Variants in CDH23 observed in about 807,000 individuals in gnomAD.
The protein encoded by CDH23 is cadherin related 23.
CDH23 carries 189 observed loss-of-function variants against 317.1 expected under a neutral mutation model. That is an observed-to-expected ratio of 0.60 (90% CI 0.53 to 0.67). CDH23 has a LOEUF of 0.67. CDH23 is among the 30% of genes least tolerant of loss of function. CDH23 has a pLI of 0.00. For missense variants in CDH23, 4,401 were observed against 4,592.4 expected, an observed-to-expected ratio of 0.96 and a Z score of 1.20; for synonymous variants, 1,839 against 1,876.8, an observed-to-expected ratio of 0.98 and a Z score of 0.52.
intron 6 of CDH23, among the ~76,000 whole-genome samples, chr10:71,538,693 G>T: frequency 6.6e-6 from 1 of 152,198 alleles, no homozygotes. Flanking sequence ...GATACAGCGT[G>T]CAACAAACTC....
At position 71,618,658 on chromosome 10, in the gene CDH23, G is replaced by A. The variant is rs566229600; in HGVS notation, c.1134+1265G>A. Among the ~76,000 whole-genome samples the A allele has an allele frequency of 1.5e-4, 23 of 152,270 alleles. 1 individual carries two copies. In the East Asian group the frequency reaches 2.7e-3, roughly 18 times the overall value. The stretch of plus-strand genomic sequence containing the variant: ...GGCTTCCTCCACCGTCCTCGGGAGA[G>A]CCCTCTCTACTCTGGCTGCTTAGCC... On this transcript the variant is annotated intron_variant, in intron 11 of 69. Transcript: ENST00000224721.
rs866123481 is a variant in CDH23, at chr10:71,779,355, C to T, written c.5276C>T (p.Pro1759Leu). Residue 1759 changes from proline to leucine, a missense_variant, in exon 41 of 70, where the codon CCG (proline) becomes CTG (leucine). Around this residue, in one of 3 missense-constraint regions of CDH23, gnomAD observed 3,068 missense variants for 3,203.3 expected, o/e 0.96. Coordinates refer to ENST00000224721, the MANE Select transcript of CDH23 (RefSeq NM_022124.6). ...CCATTTGAAGTCACTGAGGGCCAGC[C>T]GGGGCCCAGAGTGTGGACCTTCCTG... ...EGPFEVTEGQ[P>L]GPRVWTFLAH... The T allele has an allele frequency of 3.0e-5, 49 of 1,613,812 alleles. No homozygotes were observed. The Middle Eastern group carries it at 1.8e-3, about 60-fold the overall frequency.
rs1190298970 is a variant in CDH23 at position 71,688,997 on chromosome 10, T to A, written c.2059+1278T>A. ...CCAGGGGTGGTGGAGTCAGGGATGG[T>A]GGAGCCAGGGGTGGTGGAGTCAGGG... is the stretch of plus-strand genomic sequence containing the variant. On this transcript the variant is annotated intron_variant, in intron 19 of 69. Coordinates refer to ENST00000224721, the MANE Select transcript of CDH23 (RefSeq NM_022124.6). 1.1e-4 allele frequency among the ~76,000 whole-genome samples: 9 copies of A among 78,662 alleles called. 3 individuals carry two copies. The highest frequency in any genetic ancestry group is 1.1e-4 in the Non-Finnish European group (4 of 36,468). 51.6% of individuals were successfully genotyped at this position (78,662 alleles called of 152,430 possible).
chr10:71,713,667 G>C (rs917981115), intron 28 of CDH23: 11 of 239,324 alleles, frequency 4.6e-5, no homozygotes, highest in African/African-American at 2.3e-4. Flanking sequence ...GGGTTCTCTC[G>C]ATCAGGGCCT....
intron 28 of CDH23, chr10:71,715,127 G>C (rs1866151341): frequency 6.6e-6 from 1 of 152,324 alleles, no homozygotes; most frequent in Non-Finnish European, 1.5e-5. Context: ...GCTGCTGTGA[G>C]CTGTCCTCCT....
At chr10:71,558,291 T>C (rs1856969108) in intron 6 of CDH23, among the ~76,000 whole-genome samples, 1 of 152,198 alleles carries the variant, frequency 6.6e-6, no homozygotes, top group African/African-American at 2.4e-5. Context: ...TGAGCCACCA[T>C]GCCTGGCCTG....
chr10:71,649,304 C>A (rs1324062210), intron 14 of CDH23, among the ~76,000 whole-genome samples: 1 of 152,212 alleles, frequency 6.6e-6, no homozygotes, highest in Non-Finnish European at 1.5e-5. Context: ...TCTCCGTGAC[C>A]TTTTCTGGGA....
At chr10:71,463,969 C>T (rs1461353115) in intron 3 of CDH23, among the ~76,000 whole-genome samples, 3 of 152,220 alleles carry the variant, frequency 2.0e-5, no homozygotes, top group Non-Finnish European at 4.4e-5. Context: ...GACTTGCTCT[C>T]CATCCATAAC....
chr10:71,713,582 C>T, intron 28 of CDH23: 2 of 413,518 alleles, frequency 4.8e-6, no homozygotes, highest in Non-Finnish European at 8.8e-6. Context: ...AGCTGACTCC[C>T]AGAAACACAG....
chr10:71,483,098 T>C (rs1852157418), intron 3 of CDH23, among the ~76,000 whole-genome samples: 3 of 152,186 alleles, frequency 2.0e-5, no homozygotes, highest in African/African-American at 7.2e-5. Flanking sequence ...GGTCTAACAT[T>C]AAATCACAAC....
chr10:71,734,502 C>G (rs1839499395), intron 33 of CDH23, 154 bp from the exon 34 acceptor site: 1 of 974,782 alleles, frequency 1.0e-6, no homozygotes, highest in African/African-American at 1.8e-5. Flanking sequence ...CACACCTTCC[C>G]AGCAGGTTGG....
chr10:71,688,722 G>A (rs200602093), intron 19 of CDH23, among the ~76,000 whole-genome samples: 8 of 106,432 alleles, frequency 7.5e-5, no homozygotes, highest in African/African-American at 1.1e-4. Context: ...GGAGTCAGGG[G>A]TGGTGGAGTC....
At chr10:71,417,021 G>C (rs948543053) in intron 1 of CDH23, among the ~76,000 whole-genome samples, 3 of 129,872 alleles carry the variant, frequency 2.3e-5, no homozygotes, top group Non-Finnish European at 4.9e-5. Context: ...TTTTGCCTTT[G>C]GTTTTCTTTT....
intron 28 of CDH23, chr10:71,716,268 C>T (rs1306528673): frequency 8.0e-5 from 123 of 1,538,554 alleles, no homozygotes; most frequent in Non-Finnish European, 9.9e-5. Context: ...CCGGGAGTGA[C>T]GGGAGCTGAG....
chr10:71,723,252 C>T (rs1866638227), intron 28 of CDH23, among the ~76,000 whole-genome samples: 1 of 152,142 alleles, frequency 6.6e-6, no homozygotes, highest in African/African-American at 2.4e-5. Context: ...TTGTTCTCCA[C>T]TTGTTTTGGG....
chr10:71,798,965 G>A (rs1009651306), intron 50 of CDH23, 146 bp from the exon 51 acceptor site: 2 of 694,540 alleles, frequency 2.9e-6, no homozygotes, highest in Non-Finnish European at 4.8e-6. Flanking sequence ...CCTGCCGTGT[G>A]CCCTGCAACT....
At chr10:71,467,368 AGTTTCTG>A (rs1287146279) in intron 3 of CDH23, among the ~76,000 whole-genome samples, 16 of 152,264 alleles carry the variant, frequency 1.1e-4, no homozygotes, top group Non-Finnish European at 2.1e-4. Flanking sequence ...CGATCCTCAG[AGTTTCTG>A]GTTGAGCAGG....
intron 38 of CDH23, among the ~76,000 whole-genome samples, chr10:71,776,595 G>T (rs1487121109): frequency 6.6e-6 from 1 of 152,198 alleles, no homozygotes; most frequent in Non-Finnish European, 1.5e-5. Flanking sequence ...AGGAAGGCTG[G>T]TAAAGCACCC....
intron 3 of CDH23, among the ~76,000 whole-genome samples, chr10:71,492,806 CG>C (rs1273739939): frequency 6.6e-6 from 1 of 152,152 alleles, no homozygotes; most frequent in Non-Finnish European, 1.5e-5. Context: ...GGACACAGGG[CG>C]GGGTGTGCTG....
Sources: allele counts gnomAD v4.1 joint callset (sites outside exome capture counted in the v4.1 genomes callset), GRCh38; gene constraint gnomAD v4.1.1; regional missense constraint gnomAD v4.1.1; transcripts MANE v1.5; gene names NCBI Gene and HGNC (gene_info 2026-07-23, HGNC 2026-07-21).